NHSL2: variants seen among roughly 807,000 people sequenced by gnomAD.
The protein encoded by NHSL2 is NHS like 2.
NHSL2 carries 27 observed loss-of-function variants against 53.4 expected under a neutral mutation model. The ratio of observed to expected loss-of-function variants is 0.51; its 90% CI spans 0.37 to 0.70. NHSL2 has a LOEUF of 0.70. Among genes scored for constraint, NHSL2 ranks in the 30% least tolerant of loss-of-function variants. The pLI, the probability that NHSL2 is intolerant of heterozygous loss-of-function variation, is 0.00. For missense variants in NHSL2, 892 were observed against 980.1 expected (o/e 0.91, Z 1.20); for synonymous variants, 408 against 404.1 (o/e 1.01, Z -0.12).
At chrX:72,073,101 C>T (rs1034288761) in intron 1 of NHSL2, among the ~76,000 whole-genome samples, 4 of 112,113 alleles carry the variant, frequency 3.6e-5, no homozygotes, top group African/African-American at 1.3e-4. Flanking sequence ...GCTTTTCAAA[C>T]GAAGAAGGGT....
At chrX:71,923,368 C>A (rs181545408) in intron 1 of NHSL2, among the ~76,000 whole-genome samples, 1 of 111,921 alleles carries the variant, frequency 8.9e-6, no homozygotes, top group East Asian at 2.8e-4. Flanking sequence ...TAAAAAGTCA[C>A]CCTTTCTGGG....
intron 1 of NHSL2, among the ~76,000 whole-genome samples, chrX:72,006,267 C>CT (rs1299833770): frequency 8.9e-6 from 1 of 112,235 alleles, no homozygotes; most frequent in African/African-American, 3.2e-5. Flanking sequence ...ACTGCTTAGC[C>CT]TTGCATTCTC....
intron 1 of NHSL2, among the ~76,000 whole-genome samples, chrX:72,011,208 A>C (rs1484898951): frequency 1.8e-5 from 2 of 112,153 alleles, no homozygotes; most frequent in East Asian, 2.8e-4. Context: ...CACCCACTGA[A>C]GGGCATGTGG....
chrX:72,144,657 T>C lies in NHSL2; in HGVS notation c.*1083T>C. On this transcript the variant is annotated 3_prime_UTR_variant, in exon 8 of 8. Coordinates refer to ENST00000633930, the MANE Select transcript of NHSL2 (RefSeq NM_001013627.3). ...CAAGAACATATAAACTAAAAGGATC[T>C]ATCCAAAATCTAAAAGGCAGTCTTG... 1 of 637,676 alleles carries C rather than the reference T, an allele frequency of 1.6e-6. No individual in the cohort carries two copies. The highest frequency in any genetic ancestry group is 2.3e-6 in the Non-Finnish European group (1 of 431,141). 52.6% of individuals were successfully genotyped at this position (637,676 alleles called of 1,213,427 possible).
chrX:72,100,630 A>G (rs757488396), intron 1 of NHSL2, among the ~76,000 whole-genome samples: 1 of 111,999 alleles, frequency 8.9e-6, no homozygotes, highest in Non-Finnish European at 1.9e-5. Flanking sequence ...CAGCGGCATT[A>G]GATTCTCATA....
intron 1 of NHSL2, among the ~76,000 whole-genome samples, chrX:72,052,921 G>A (rs946586285): frequency 5.4e-5 from 6 of 111,948 alleles, no homozygotes; most frequent in African/African-American, 2.0e-4. Context: ...CGGTGCAGCT[G>A]TGACTCAGCC....
chrX:72,140,200 G>A lies in NHSL2; in HGVS notation c.2652G>A (p.Leu884=). Residue 884 remains leucine, a synonymous_variant, in exon 6 of 8, where the codon TTG becomes TTA. Coordinates refer to ENST00000633930, the MANE Select transcript of NHSL2 (RefSeq NM_001013627.3). The part of the protein sequence containing the change: ...KPPVARRPPS[L]VHKPPSVPEE... ...CGGTGGCCCGGAGGCCTCCAAGCTT[G>A]GTCCACAAGCCACCATCTGTTCCTG... 2 of 1,210,175 alleles carry A rather than the reference G, an allele frequency of 1.7e-6. No homozygotes were observed. Among genetic ancestry groups the A allele is most frequent in the Non-Finnish European group, 1.1e-6 (1 of 894,670 alleles).
intron 1 of NHSL2, chrX:72,130,268 C>T: frequency 1.7e-6 from 2 of 1,205,767 alleles, no homozygotes; most frequent in Non-Finnish European, 2.2e-6. Context: ...TCATCTTCAT[C>T]TTCTTCATCC....
At chrX:72,075,959 G>C (rs1056134263) in intron 1 of NHSL2, among the ~76,000 whole-genome samples, 46 of 109,132 alleles carry the variant, frequency 4.2e-4, no homozygotes, top group African/African-American at 1.5e-3. Flanking sequence ...CTGAGACAGA[G>C]TTTCACTCTT....
intron 1 of NHSL2, 161 bp from the exon 2 acceptor site, chrX:72,131,918 A>G: frequency 2.0e-6 from 1 of 491,703 alleles, no homozygotes; most frequent in Non-Finnish European, 3.4e-6. Context: ...CTGTCGAGGA[A>G]AAATCTTGCG....
intron 1 of NHSL2, among the ~76,000 whole-genome samples, chrX:72,028,451 C>T (rs2042197608): frequency 1.8e-5 from 2 of 111,989 alleles, no homozygotes; most frequent in East Asian, 5.6e-4. Flanking sequence ...ATTTAATCAG[C>T]AAGCATCAGT....
Position 71,944,079 on chromosome X carries a change from T to C in NHSL2, c.280+32712T>C, listed in dbSNP as rs144363800. On this transcript the variant is annotated intron_variant, in intron 1 of 7. Coordinates refer to ENST00000633930, the MANE Select transcript of NHSL2 (RefSeq NM_001013627.3). The stretch of plus-strand genomic sequence containing the variant: ...AGAACCCTCTCTCCACACTCTTGAG[T>C]ATAGCCTGCTAGAGAAAAGACCCAA... Among the ~76,000 whole-genome samples the C allele has an allele frequency of 1.8e-3, 201 of 112,232 alleles. 1 individual carries two copies. Among genetic ancestry groups the C allele is most frequent in the African/African-American group, 5.9e-3 (184 of 30,947 alleles).
intron 1 of NHSL2, among the ~76,000 whole-genome samples, chrX:71,931,028 G>A (rs766168482): frequency 8.9e-6 from 1 of 111,891 alleles, no homozygotes; most frequent in Non-Finnish European, 1.9e-5. Context: ...AATGTACAAG[G>A]GTTCCAATTT....
At position 72,152,183 on chromosome X, in the gene NHSL2, C is replaced by T. The variant is rs1194155623; in HGVS notation, c.*8609C>T. On this transcript the variant is annotated 3_prime_UTR_variant, in exon 8 of 8. Coordinates refer to ENST00000633930, the MANE Select transcript of NHSL2 (RefSeq NM_001013627.3). ...CTCCATCCTGCTCCCATCTCCACCTCTAATGCTTCTTGGGAGTCTGAAGCT... is the reference window on the plus strand; with the variant it reads ...CTCCATCCTGCTCCCATCTCCACCTTTAATGCTTCTTGGGAGTCTGAAGCT... 1.8e-5 allele frequency: 2 copies of T among 113,097 alleles called. No individual in the cohort carries two copies. Among genetic ancestry groups the T allele is most frequent in the African/African-American group, 6.4e-5 (2 of 31,032 alleles). 9.3% of individuals were successfully genotyped at this position (113,097 alleles called of 1,213,427 possible). A position where few individuals can be genotyped will look rare whatever the true frequency, so the allele number is the denominator to read the frequency against.
chrX:72,113,707 G>A (rs1371814588), intron 1 of NHSL2, among the ~76,000 whole-genome samples: 1 of 112,357 alleles, frequency 8.9e-6, no homozygotes, highest in African/African-American at 3.2e-5. Flanking sequence ...GGCTGGTTTC[G>A]TTTTCCTACA....
chrX:72,078,938 C>T (rs1040827328), intron 1 of NHSL2, among the ~76,000 whole-genome samples: 4 of 112,137 alleles, frequency 3.6e-5, no homozygotes, highest in African/African-American at 9.7e-5. Context: ...TGGCCATGTG[C>T]GAAGGTAGAC....
At chrX:71,914,884 A>G (rs2041620798) in intron 1 of NHSL2, among the ~76,000 whole-genome samples, 1 of 109,612 alleles carries the variant, frequency 9.1e-6, no homozygotes, top group African/African-American at 3.3e-5. Flanking sequence ...GGTGGCAGGA[A>G]TTTGGGGACT....
At position 72,151,282 on chromosome X, in the gene NHSL2, C is replaced by G. The variant is rs1303204945; in HGVS notation, c.*7708C>G. ...CTTGTGATCCGCCCACCTCGGCCTCCCAAAGTGCTGGGATTACAGGTGTGA... is the reference window on the plus strand; with the variant it reads ...CTTGTGATCCGCCCACCTCGGCCTCGCAAAGTGCTGGGATTACAGGTGTGA... On this transcript the variant is annotated 3_prime_UTR_variant, in exon 8 of 8. Coordinates refer to ENST00000633930, the MANE Select transcript of NHSL2 (RefSeq NM_001013627.3). The G allele has an allele frequency of 9.0e-6, 1 of 110,838 alleles. No individual in the cohort carries two copies. The highest frequency in any genetic ancestry group is 1.9e-5 in the Non-Finnish European group (1 of 52,982). The allele number at this position is 110,838 out of a possible 1,213,427, so 9.1% of individuals were successfully genotyped here.
At chrX:71,967,872 G>A (rs1469367594) in intron 1 of NHSL2, among the ~76,000 whole-genome samples, 1 of 111,105 alleles carries the variant, frequency 9.0e-6, no homozygotes, top group Non-Finnish European at 1.9e-5. Flanking sequence ...GCAGAGGTTT[G>A]CCCTGTGACC....
Sources: allele counts gnomAD v4.1 joint callset (sites outside exome capture counted in the v4.1 genomes callset), GRCh38; gene constraint gnomAD v4.1.1; transcripts MANE v1.5; gene names NCBI Gene and HGNC (gene_info 2026-07-23, HGNC 2026-07-21).